The following TLE4 variants were observed in gnomAD, a reference collection of about 807,000 sequenced individuals.
TLE4 encodes the protein transducin-like enhancer protein 4.
In TLE4, 8 loss-of-function variants were observed where a neutral mutation model predicts 92.8. The observed-to-expected ratio is 0.09, with a 90% CI of 0.05 to 0.16. The LOEUF (loss-of-function observed/expected upper bound fraction) is 0.16, where lower values mean the gene tolerates loss of function less well. Among genes scored for constraint, TLE4 ranks in the 10% least tolerant of loss-of-function variants. The probability of loss-of-function intolerance (pLI) is 1.00; values close to 1 mark genes in which losing one functional copy is unlikely to be tolerated. For missense variants in TLE4, 675 were observed against 997.6 expected (o/e 0.68, Z 4.36); for synonymous variants, 371 against 374.1 (o/e 0.99, Z 0.10).
At chr9:79,652,112 C>T (rs2059112541) in intron 6 of TLE4, among the ~76,000 whole-genome samples, 1 of 138,930 alleles carries the variant, frequency 7.2e-6, no homozygotes, top group African/African-American at 2.5e-5. Context: ...ATTGACTACA[C>T]AGCTCATTTG....
intron 8 of TLE4, among the ~76,000 whole-genome samples, chr9:79,678,789 A>C (rs2063806706): frequency 6.7e-6 from 1 of 149,012 alleles, no homozygotes; most frequent in African/African-American, 2.5e-5. Flanking sequence ...ACCCTACAAC[A>C]GTCCCCGGAG....
Position 79,576,171 on chromosome 9 carries a change from CA to C in TLE4, c.248del (p.Lys83SerfsTer9). The C allele has an allele frequency of 6.5e-7, 1 of 1,536,710 alleles. No individual in the cohort carries two copies. Among genetic ancestry groups the C allele is most frequent in the Non-Finnish European group, 8.8e-7 (1 of 1,135,184 alleles). ...CCTATGGGTTGAATATAGAAATGCA[CA>C]AGCAGGTAAGTTATTTCTTTATAAC... is the stretch of plus-strand genomic sequence containing the variant. Reference protein sequence around the residue: ...MSYGLNIEMHKQAEIVKRLNA... With the variant: ...MSYGLNIEMHXQAEIVKRLNA... On this transcript the variant is annotated frameshift_variant, in exon 4 of 20. Coordinates refer to ENST00000376552, the MANE Select transcript of TLE4 (RefSeq NM_007005.6). LOFTEE classifies it high-confidence loss of function.
chr9:79,658,462 C>T (rs2060072535), intron 8 of TLE4, among the ~76,000 whole-genome samples: 2 of 151,902 alleles, frequency 1.3e-5, no homozygotes, highest in African/African-American at 2.4e-5. Flanking sequence ...TTTATTCTGC[C>T]GCATCTGTAT....
chr9:79,705,233 A>G (rs1482709890), intron 9 of TLE4, among the ~76,000 whole-genome samples: 1 of 152,256 alleles, frequency 6.6e-6, no homozygotes, highest in Non-Finnish European at 1.5e-5. Flanking sequence ...GCAGAAAAAT[A>G]TAAAATCATA....
intron 4 of TLE4, among the ~76,000 whole-genome samples, chr9:79,598,968 A>G (rs1371201694): frequency 6.6e-6 from 1 of 152,170 alleles, no homozygotes; most frequent in East Asian, 1.9e-4. Context: ...CCTAAGTCTG[A>G]GGTGCTTTGG....
chr9:79,723,157 C>A, intron 19 of TLE4, 122 bp downstream of exon 19: 1 of 888,768 alleles, frequency 1.1e-6, no homozygotes, highest in Admixed American at 2.3e-5. Flanking sequence ...GCACATTGTA[C>A]AGAGAAGGAA....
At chr9:79,595,768 T>C (rs2043800128) in intron 4 of TLE4, among the ~76,000 whole-genome samples, 1 of 152,164 alleles carries the variant, frequency 6.6e-6, no homozygotes, top group Non-Finnish European at 1.5e-5. Context: ...TGTGCTTTGG[T>C]TAATGCAAAA....
intron 5 of TLE4, among the ~76,000 whole-genome samples, chr9:79,618,521 T>G (rs2050180398): frequency 6.6e-6 from 1 of 152,236 alleles, no homozygotes; most frequent in African/African-American, 2.4e-5. Context: ...TTTATTAAAC[T>G]CATGGTCATT....
At chr9:79,654,491 G>A (rs2059486704) in intron 8 of TLE4, among the ~76,000 whole-genome samples, 1 of 148,692 alleles carries the variant, frequency 6.7e-6, no homozygotes, top group Non-Finnish European at 1.5e-5. Context: ...TAAGTGAATG[G>A]TGCATTTTTT....
chr9:79,707,161 C>G, intron 11 of TLE4: 1 of 1,612,872 alleles, frequency 6.2e-7, no homozygotes, highest in Admixed American at 1.7e-5. Flanking sequence ...CACGTCTTAG[C>G]GAAGATGAAC....
intron 6 of TLE4, among the ~76,000 whole-genome samples, chr9:79,629,732 A>G (rs892123510): frequency 3.2e-4 from 48 of 152,330 alleles, no homozygotes; most frequent in African/African-American, 1.0e-3. Context: ...AAACAAACCC[A>G]ACAGTTTTAG....
intron 8 of TLE4, among the ~76,000 whole-genome samples, chr9:79,701,299 ACT>A (rs1364243990): frequency 1.5e-4 from 23 of 152,184 alleles, no homozygotes; most frequent in Admixed American, 1.2e-3. Flanking sequence ...CCAACATGTA[ACT>A]CTGTTCTACA....
At chr9:79,724,646 C>T (rs1226699689) in intron 19 of TLE4, among the ~76,000 whole-genome samples, 1 of 151,802 alleles carries the variant, frequency 6.6e-6, no homozygotes, top group African/African-American at 2.4e-5. Flanking sequence ...GAGTTCGAGA[C>T]CAGCCTGGGC....
intron 6 of TLE4, chr9:79,649,836 G>A (rs1564637603): frequency 7.3e-7 from 1 of 1,366,074 alleles, no homozygotes; most frequent in South Asian, 1.1e-5. Flanking sequence ...AAGAATAAAA[G>A]TGACACACCT....
rs538686016 is a variant in TLE4, at chr9:79,627,206, G to A, written c.316-168G>A. ...ACTCCTCAACTTTGTGGACCCAGATGTACCCTAGACATCTAGTCATCCATC... is the reference window on the plus strand; with the variant it reads ...ACTCCTCAACTTTGTGGACCCAGATATACCCTAGACATCTAGTCATCCATC... On this transcript the variant is annotated intron_variant, in intron 5 of 19. Coordinates refer to ENST00000376552, the MANE Select transcript of TLE4 (RefSeq NM_007005.6). Among the ~76,000 whole-genome samples, 7 of 152,294 alleles carry A rather than the reference G, an allele frequency of 4.6e-5. No individual in the cohort carries two copies. The South Asian group carries it at 1.5e-3, about 32-fold the overall frequency.
chr9:79,611,626 T>C (rs2048376608), intron 4 of TLE4, among the ~76,000 whole-genome samples: 1 of 151,994 alleles, frequency 6.6e-6, no homozygotes, highest in African/African-American at 2.4e-5. Context: ...TGCTTTACAT[T>C]TTCTGCCTTT....
At chr9:79,657,790 C>T (rs1008691618) in intron 8 of TLE4, among the ~76,000 whole-genome samples, 1 of 152,186 alleles carries the variant, frequency 6.6e-6, no homozygotes, top group African/African-American at 2.4e-5. Flanking sequence ...GCACCAAAAT[C>T]AAGACCAGCT....
At chr9:79,720,499 T>C (rs1283309636) in intron 16 of TLE4, among the ~76,000 whole-genome samples, 1 of 152,022 alleles carries the variant, frequency 6.6e-6, no homozygotes, top group African/African-American at 2.4e-5. Context: ...AAATTATCAG[T>C]GTGAAAATCT....
At chr9:79,653,080 C>A (rs1300278717) in intron 7 of TLE4, among the ~76,000 whole-genome samples, 2 of 152,166 alleles carry the variant, frequency 1.3e-5, no homozygotes, top group Non-Finnish European at 2.9e-5. Context: ...GTAATGAAAT[C>A]CCATGATGCT....
Sources: allele counts gnomAD v4.1 joint callset (sites outside exome capture counted in the v4.1 genomes callset), GRCh38; gene constraint gnomAD v4.1.1; transcripts MANE v1.5; gene names NCBI Gene and HGNC (gene_info 2026-07-23, HGNC 2026-07-21).